PPM1L: variants seen among roughly 807,000 people sequenced by gnomAD.
PPM1L encodes the protein protein phosphatase 1L.
In PPM1L, 13 loss-of-function variants were observed where a neutral mutation model predicts 31.4. That is an observed-to-expected ratio of 0.41 (90% CI 0.27 to 0.66). The LOEUF (loss-of-function observed/expected upper bound fraction) is 0.66, where lower values mean the gene tolerates loss of function less well. Ranked by LOEUF, PPM1L falls within the 30% of genes least tolerant of loss-of-function variation. The probability of loss-of-function intolerance (pLI) is 0.29; values close to 1 mark genes in which losing one functional copy is unlikely to be tolerated. For synonymous variants in PPM1L, 184 were observed against 175.4 expected, an observed-to-expected ratio of 1.05 and a Z score of -0.39; for missense variants, 326 against 453.7, an observed-to-expected ratio of 0.72 and a Z score of 2.56.
chr3:160,941,437 G>A (rs1355836909), intron 1 of PPM1L, among the ~76,000 whole-genome samples: 1 of 152,164 alleles, frequency 6.6e-6, no homozygotes, highest in Non-Finnish European at 1.5e-5. Flanking sequence ...CCCATGTGTT[G>A]TGAGAGGGAC....
chr3:160,845,187 A>G (rs1430697337), intron 1 of PPM1L, among the ~76,000 whole-genome samples: 2 of 152,084 alleles, frequency 1.3e-5, no homozygotes, highest in Non-Finnish European at 1.5e-5. Context: ...CTTTTTGGCT[A>G]CTATGAATAA....
chr3:160,998,455 A>T (rs1366925554), intron 2 of PPM1L, among the ~76,000 whole-genome samples: 1 of 152,190 alleles, frequency 6.6e-6, no homozygotes, highest in African/African-American at 2.4e-5. Flanking sequence ...TATCCATGTC[A>T]TTCTTGTCCC....
intron 1 of PPM1L, among the ~76,000 whole-genome samples, chr3:160,955,468 G>A (rs964066573): frequency 7.2e-5 from 11 of 151,752 alleles, no homozygotes; most frequent in East Asian, 1.9e-4. Context: ...AATTTATCTC[G>A]GGATTCATGC....
At chr3:160,865,352 G>A (rs1712050796) in intron 1 of PPM1L, among the ~76,000 whole-genome samples, 1 of 152,168 alleles carries the variant, frequency 6.6e-6, no homozygotes, top group Non-Finnish European at 1.5e-5. Context: ...AAGGTCCCAG[G>A]AATTGTATTT....
chr3:161,012,083 T>C (rs1436661809), intron 2 of PPM1L, among the ~76,000 whole-genome samples: 12 of 152,162 alleles, frequency 7.9e-5, no homozygotes, highest in East Asian at 1.9e-4. Flanking sequence ...AGAGGGCATC[T>C]CTGTCTTCTG....
chr3:161,065,935 G>A (rs1484459109), intron 3 of PPM1L, among the ~76,000 whole-genome samples: 1 of 152,234 alleles, frequency 6.6e-6, no homozygotes, highest in African/African-American at 2.4e-5. Flanking sequence ...TGCAAGTGCT[G>A]TTCTGGGTCA....
chr3:161,022,013 A>G lies in PPM1L; in HGVS notation c.575-43390A>G, dbSNP rs1033110342. 8.9e-6 allele frequency: 4 copies of G among 451,244 alleles called. No homozygotes were observed. The East Asian group carries it at 1.4e-4, about 15-fold the overall frequency. The allele number at this position is 451,244 out of a possible 1,614,324, so 28.0% of individuals were successfully genotyped here. A position where few individuals can be genotyped will look rare whatever the true frequency, so the allele number is the denominator to read the frequency against. On this transcript the variant is annotated intron_variant, in intron 2 of 3. Coordinates refer to ENST00000498165, the MANE Select transcript of PPM1L (RefSeq NM_139245.4). The stretch of plus-strand genomic sequence containing the variant: ...TTTATGTTTAAGGTAATTACCTACA[A>G]GTTAAAAGTTATGTTTACTATTTTA...
At chr3:160,798,176 A>G (rs1167174842) in intron 1 of PPM1L, among the ~76,000 whole-genome samples, 3 of 147,376 alleles carry the variant, frequency 2.0e-5, no homozygotes, top group African/African-American at 8.0e-5. Flanking sequence ...AGACTCCACT[A>G]AAAAAACAAA....
intron 2 of PPM1L, among the ~76,000 whole-genome samples, chr3:161,038,532 C>G (rs1312567895): frequency 2.2e-5 from 3 of 138,462 alleles, no homozygotes; most frequent in Non-Finnish European, 3.0e-5. Flanking sequence ...GCTCAAACTT[C>G]TGGTCTCAAG....
intron 2 of PPM1L, among the ~76,000 whole-genome samples, chr3:161,034,455 A>ATG (rs1467504008): frequency 2.0e-5 from 3 of 152,216 alleles, no homozygotes; most frequent in Admixed American, 2.0e-4. Context: ...ATGGCCATCA[A>ATG]TGATAGACTG....
intron 2 of PPM1L, among the ~76,000 whole-genome samples, chr3:161,000,076 T>G (rs1717435460): frequency 6.6e-6 from 1 of 152,236 alleles, no homozygotes; most frequent in African/African-American, 2.4e-5. Flanking sequence ...GGTAAATGTT[T>G]GCTTTGTGAA....
At chr3:160,962,350 C>A (rs1177699074) in intron 2 of PPM1L, among the ~76,000 whole-genome samples, 1 of 151,974 alleles carries the variant, frequency 6.6e-6, no homozygotes, top group Non-Finnish European at 1.5e-5. Context: ...CAGACACTAC[C>A]ACATCAGAGA....
At chr3:160,839,331 C>T (rs972725683) in intron 1 of PPM1L, among the ~76,000 whole-genome samples, 3 of 152,056 alleles carry the variant, frequency 2.0e-5, no homozygotes, top group African/African-American at 7.2e-5. Flanking sequence ...TTTCCCACAC[C>T]TTAGATAAGA....
At chr3:160,947,908 A>G (rs1446360160) in intron 1 of PPM1L, among the ~76,000 whole-genome samples, 1 of 152,190 alleles carries the variant, frequency 6.6e-6, no homozygotes, top group East Asian at 1.9e-4. Flanking sequence ...AATTGGCCCA[A>G]AAGCAGCCAT....
chr3:160,773,876 C>T (rs1173736408), intron 1 of PPM1L, among the ~76,000 whole-genome samples: 1 of 152,034 alleles, frequency 6.6e-6, no homozygotes, highest in Non-Finnish European at 1.5e-5. Context: ...AATGACACCA[C>T]CTATGTTTCT....
At chr3:160,835,039 ACTTCTTCTTCTT>A (rs201253772) in intron 1 of PPM1L, among the ~76,000 whole-genome samples, 226 of 131,816 alleles carry the variant, frequency 1.7e-3, no homozygotes, top group Middle Eastern at 3.8e-3. Context: ...TACTACTACT[ACTTCTTCTTCTT>A]CTTCTTCTTC....
intron 1 of PPM1L, among the ~76,000 whole-genome samples, chr3:160,803,529 G>A (rs1347564220): frequency 8.9e-6 from 1 of 112,532 alleles, no homozygotes; most frequent in Non-Finnish European, 1.7e-5. Flanking sequence ...AGAGATCACT[G>A]GTAATTTTTG....
chr3:160,859,123 G>A lies in PPM1L; in HGVS notation c.399+102416G>A, dbSNP rs555235965. Among the ~76,000 whole-genome samples the A allele has an allele frequency of 3.3e-5, 5 of 152,258 alleles. No homozygotes were observed. The South Asian group carries it at 1.0e-3, about 32-fold the overall frequency. ...TATTCCTAAGTAAGTAGAATGGAAA[G>A]GTGGAATTGTGGGCAATCTGCACAT... On this transcript the variant is annotated intron_variant, in intron 1 of 3. Coordinates refer to ENST00000498165, the MANE Select transcript of PPM1L (RefSeq NM_139245.4).
chr3:160,761,826 C>A (rs1046264959), intron 1 of PPM1L, among the ~76,000 whole-genome samples: 2 of 151,500 alleles, frequency 1.3e-5, no homozygotes, highest in African/African-American at 4.9e-5. Flanking sequence ...GGTGGCAGAC[C>A]GGAGAAGAAG....
Sources: allele counts gnomAD v4.1 joint callset (sites outside exome capture counted in the v4.1 genomes callset), GRCh38; gene constraint gnomAD v4.1.1; transcripts MANE v1.5; gene names NCBI Gene and HGNC (gene_info 2026-07-23, HGNC 2026-07-21).